The following PLXNA4 variants were observed in gnomAD, a reference collection of about 807,000 sequenced individuals.
The protein encoded by PLXNA4 is plexin-A4.
A neutral mutation model predicts 191.8 loss-of-function variants in PLXNA4; 44 were observed. The ratio of observed to expected loss-of-function variants is 0.23; its 90% confidence interval spans 0.18 to 0.29. PLXNA4 has a LOEUF of 0.29. Among genes scored for constraint, PLXNA4 ranks in the 10% least tolerant of loss-of-function variants. The pLI, the probability that PLXNA4 is intolerant of heterozygous loss-of-function variation, is 1.00. For synonymous variants in PLXNA4, 1,082 were observed against 1,009.5 expected, an observed-to-expected ratio of 1.07 and a Z score of -1.36; for missense variants, 1,800 against 2,488.8, an observed-to-expected ratio of 0.72 and a Z score of 5.89.
At chr7:132,527,813 A>T (rs1799465521) in intron 1 of PLXNA4, among the ~76,000 whole-genome samples, 1 of 152,072 alleles carries the variant, frequency 6.6e-6, no homozygotes, top group Non-Finnish European at 1.5e-5. Context: ...TGCCCACCTG[A>T]TCCAATCTGA....
At chr7:132,485,473 A>T (rs189447995) in intron 3 of PLXNA4, among the ~76,000 whole-genome samples, 12 of 152,220 alleles carry the variant, frequency 7.9e-5, no homozygotes, top group Non-Finnish European at 1.5e-4. Context: ...TAGTGAAAGG[A>T]AAGCAAGAGG....
chr7:132,329,072 T>C (rs778458855), intron 3 of PLXNA4, among the ~76,000 whole-genome samples: 8 of 152,148 alleles, frequency 5.3e-5, no homozygotes, highest in Non-Finnish European at 1.0e-4. Context: ...GATCAGACCC[T>C]CTAAGGGTGG....
rs1794749159 is a variant in PLXNA4, at chr7:132,125,657, C to G, written c.*4822G>C. The G allele has an allele frequency of 6.6e-6, 1 of 152,012 alleles. No individual in the cohort carries two copies. The highest frequency in any genetic ancestry group is 2.4e-5 in the African/African-American group (1 of 41,348). 9.4% of individuals were successfully genotyped at this position (152,012 alleles called of 1,614,324 possible). A position where few individuals can be genotyped will look rare whatever the true frequency, so the allele number is the denominator to read the frequency against. ...AAGAGGCTGAGGGTTCAAGGCCTCC[C>G]AGTCACCTGTCCTGAGAGCTGGCAG... On this transcript the variant is annotated 3_prime_UTR_variant, in exon 32 of 32. Transcript: ENST00000321063.
chr7:132,278,361 C>A (rs1326513048), intron 4 of PLXNA4, among the ~76,000 whole-genome samples: 3 of 152,196 alleles, frequency 2.0e-5, no homozygotes, highest in African/African-American at 7.2e-5. Context: ...GAGGCAGACT[C>A]TTCTGGATGG....
intron 3 of PLXNA4, among the ~76,000 whole-genome samples, chr7:132,370,209 A>G (rs569580590): frequency 1.1e-4 from 17 of 152,354 alleles, no homozygotes; most frequent in Admixed American, 2.6e-4. Context: ...CTCTGAGTGT[A>G]GAAAATCCAG....
upstream of PLXNA4, among the ~76,000 whole-genome samples, chr7:132,579,838 G>A (rs992347852): frequency 5.3e-5 from 8 of 152,076 alleles, no homozygotes; most frequent in African/African-American, 1.2e-4. Context: ...TCATATTATC[G>A]GAAGGAGGAG....
At chr7:132,159,231 A>G (rs1795879421) in intron 25 of PLXNA4, among the ~76,000 whole-genome samples, 1 of 152,054 alleles carries the variant, frequency 6.6e-6, no homozygotes, top group Non-Finnish European at 1.5e-5. Context: ...TCACCAACAG[A>G]CTACCAAGTG....
chr7:132,547,066 C>A (rs1202111372), intron 1 of PLXNA4, among the ~76,000 whole-genome samples: 1 of 152,194 alleles, frequency 6.6e-6, no homozygotes, highest in Admixed American at 6.5e-5. Context: ...TGAATTACAG[C>A]AAGCTAGCTC....
intron 3 of PLXNA4, among the ~76,000 whole-genome samples, chr7:132,473,159 G>A (rs562637814): frequency 6.6e-6 from 1 of 152,364 alleles, no homozygotes; most frequent in East Asian, 1.9e-4. Flanking sequence ...CTTGCAGTGA[G>A]TCAGTGGCAG....
chr7:132,144,578 G>T (rs1485985828), intron 29 of PLXNA4, among the ~76,000 whole-genome samples: 9 of 152,178 alleles, frequency 5.9e-5, no homozygotes, highest in Non-Finnish European at 1.3e-4. Context: ...CACCTGGCTG[G>T]TTCCTAAGTG....
chr7:132,265,728 G>A (rs1049141546), intron 4 of PLXNA4, among the ~76,000 whole-genome samples: 4 of 152,178 alleles, frequency 2.6e-5, no homozygotes, highest in South Asian at 2.1e-4. Flanking sequence ...CTGAAGAACA[G>A]GACAGGGCTC....
rs554598588 is a variant in PLXNA4 at position 132,445,858 on chromosome 7, G to C, written c.1371+43434C>G. On this transcript the variant is annotated intron_variant, in intron 3 of 31. Coordinates refer to ENST00000321063, the MANE Select transcript of PLXNA4 (RefSeq NM_020911.2). ...ACTGTGTCCCCCCTCAGGGATTCCA[G>C]CTCCTCACACAGCCTCTCAGGCTCA... is the stretch of plus-strand genomic sequence containing the variant. 1.6e-4 allele frequency among the ~76,000 whole-genome samples: 24 copies of C among 152,284 alleles called. No homozygotes were observed. In the East Asian group the frequency reaches 4.7e-3, roughly 30 times the overall value.
At position 132,125,732 on chromosome 7, in the gene PLXNA4, G is replaced by GA. The variant is rs1563042813; in HGVS notation, c.*4746_*4747insT. On this transcript the variant is annotated 3_prime_UTR_variant, in exon 32 of 32. Coordinates refer to ENST00000321063, the MANE Select transcript of PLXNA4 (RefSeq NM_020911.2). ...TAGACGAGGACCAGGAGGGATGGCG[G>GA]GGGGGGATTTGGGGCATGGGGAGAA... The GA allele has an allele frequency of 6.6e-6, 1 of 152,138 alleles. No homozygotes were observed. Among genetic ancestry groups the GA allele is most frequent in the African/African-American group, 2.4e-5 (1 of 41,398 alleles). 9.4% of individuals were successfully genotyped at this position (152,138 alleles called of 1,614,324 possible).
intron 2 of PLXNA4, among the ~76,000 whole-genome samples, chr7:132,609,476 C>A (rs1260447341): frequency 6.6e-6 from 1 of 152,192 alleles, no homozygotes; most frequent in Non-Finnish European, 1.5e-5. Flanking sequence ...CTGGACCAGC[C>A]TTCCCCTTAG....
intron 31 of PLXNA4, among the ~76,000 whole-genome samples, chr7:132,132,483 C>CTTTCTATTCTATTCTATTCTATTCTAT (rs1563048449): frequency 1.2e-5 from 1 of 80,788 alleles, no homozygotes; most frequent in Non-Finnish European, 2.6e-5. Flanking sequence ...CTCTGCTCTG[C>CTTTCTATTCTATTCTATTCTATTCTAT]TCTGCTCTAT....
intron 22 of PLXNA4, 26 bp from the exon 23 acceptor site, chr7:132,165,226 A>G: frequency 1.2e-6 from 2 of 1,605,478 alleles, no homozygotes; most frequent in Non-Finnish European, 1.7e-6. Flanking sequence ...GAGGGAACCA[A>G]CGGAACAAGA....
At chr7:132,175,582 T>G (rs1196882519) in intron 20 of PLXNA4, among the ~76,000 whole-genome samples, 2 of 152,236 alleles carry the variant, frequency 1.3e-5, no homozygotes, top group African/African-American at 4.8e-5. Flanking sequence ...TGGGCACTGC[T>G]GTGTGTGGCG....
intron 4 of PLXNA4, among the ~76,000 whole-genome samples, chr7:132,266,024 ATGTG>A (rs1213974202): frequency 5.3e-5 from 8 of 152,210 alleles, no homozygotes; most frequent in Non-Finnish European, 7.3e-5. Flanking sequence ...CTCAGTATCA[ATGTG>A]TGGCTCAGCA....
At chr7:132,177,773 G>GA (rs1419964741) in intron 20 of PLXNA4, among the ~76,000 whole-genome samples, 3 of 152,166 alleles carry the variant, frequency 2.0e-5, no homozygotes, top group Admixed American at 1.3e-4. Flanking sequence ...ACATTGCGGA[G>GA]AAAAAAATTA....
Sources: gnomAD v4.1 joint callset for allele counts (sites outside exome capture counted in the v4.1 genomes callset) on GRCh38, gnomAD v4.1.1 for gene constraint, MANE v1.5 for transcripts, NCBI Gene and HGNC (gene_info 2026-07-23, HGNC 2026-07-21) for gene names.